PKHD1: variants seen among roughly 807,000 people sequenced by gnomAD.
PKHD1 encodes the protein PKHD1 ciliary IPT domain containing fibrocystin/polyductin, also known as fibrocystin.
PKHD1 carries 291 observed loss-of-function variants against 412.0 expected under a neutral mutation model. That is an observed-to-expected ratio of 0.71 (90% confidence interval 0.64 to 0.78). The LOEUF is 0.78. Among genes scored for constraint, PKHD1 ranks in the 30% least tolerant of loss-of-function variants. PKHD1 has a pLI of 0.00. For synonymous variants in PKHD1, 1,777 were observed against 1,821.5 expected (o/e 0.98, Z 0.62); for missense variants, 4,825 against 4,950.7 (o/e 0.97, Z 0.76).
intron 60 of PKHD1, among the ~76,000 whole-genome samples, chr6:51,736,961 T>C (rs978783780): frequency 6.6e-6 from 1 of 152,216 alleles, no homozygotes; most frequent in Non-Finnish European, 1.5e-5. Context: ...TTCCCCATTA[T>C]TCAGTTAGAA....
At position 52,025,036 on chromosome 6, in the gene PKHD1, T is replaced by C; in HGVS notation, c.4774A>G (p.Thr1592Ala). ...CCTCTCAGGCCTGTGCCCTCTATGG[T>C]CAAGAGGCTTCCACCATGTAAGCTG... Reference protein sequence around the residue: ...NFSLHGGSLLTIEGTGLRGQN... With the variant: ...NFSLHGGSLLAIEGTGLRGQN... The change falls in exon 32 of 67, where the codon ACC (threonine) becomes GCC (alanine). Residue 1592 changes from threonine to alanine, a missense_variant. Thr to Ala is a moderately conservative substitution (Grantham distance 58, BLOSUM62 0). Coordinates refer to ENST00000371117, the MANE Select transcript of PKHD1 (RefSeq NM_138694.4). The C allele has an allele frequency of 4.3e-6, 7 of 1,614,106 alleles. No individual in the cohort carries two copies. Among genetic ancestry groups the C allele is most frequent in the Non-Finnish European group, 5.9e-6 (7 of 1,179,978 alleles).
At chr6:51,625,033 A>G (rs1767063700) in intron 66 of PKHD1, among the ~76,000 whole-genome samples, 2 of 152,162 alleles carry the variant, frequency 1.3e-5, no homozygotes, top group Admixed American at 1.3e-4. Context: ...CAACAGTAAA[A>G]TAGGAGGGAT....
intron 30 of PKHD1, 27 bp downstream of exon 30, chr6:52,028,129 C>T (rs1562176033): frequency 1.8e-5 from 29 of 1,606,818 alleles, no homozygotes; most frequent in East Asian, 6.7e-5. Context: ...CAAACAAATC[C>T]AAAATTAATG....
intron 35 of PKHD1, among the ~76,000 whole-genome samples, chr6:51,994,279 C>A (rs972954067): frequency 6.6e-6 from 1 of 152,076 alleles, no homozygotes; most frequent in Non-Finnish European, 1.5e-5. Context: ...GGACTACAGG[C>A]GCCTGCCACC....
At chr6:51,749,142 T>C (rs1390604574) in intron 57 of PKHD1, among the ~76,000 whole-genome samples, 1 of 152,098 alleles carries the variant, frequency 6.6e-6, no homozygotes, top group Non-Finnish European at 1.5e-5. Flanking sequence ...TGAAGAAGAG[T>C]ATGAGTGCGA....
intron 35 of PKHD1, among the ~76,000 whole-genome samples, chr6:52,002,463 C>T (rs911135085): frequency 3.3e-5 from 5 of 152,188 alleles, no homozygotes; most frequent in African/African-American, 1.2e-4. Flanking sequence ...AGGTAATTCT[C>T]ATACATTTGG....
At position 52,045,012 on chromosome 6, in the gene PKHD1, C is replaced by A; in HGVS notation, c.2669G>T (p.Gly890Val). The change falls in exon 25 of 67, where the codon GGA becomes GTA. Residue 890 changes from glycine to valine, a missense_variant. Coordinates refer to ENST00000371117, the MANE Select transcript of PKHD1 (RefSeq NM_138694.4). ...AGCCAACATGTCTCCAAATATGGGT[C>A]CAAGAAAAACTCCACCATCATATAC... is the stretch of plus-strand genomic sequence containing the variant. Reference protein sequence around the residue: ...RVVYDGGVFLGPIFGDMLATA... With the variant: ...RVVYDGGVFLVPIFGDMLATA... The A allele has an allele frequency of 6.2e-7, 1 of 1,613,604 alleles. No individual in the cohort carries two copies. The highest frequency in any genetic ancestry group is 1.1e-5 in the South Asian group (1 of 91,052).
intron 63 of PKHD1, among the ~76,000 whole-genome samples, chr6:51,644,562 T>C (rs567405387): frequency 3.3e-5 from 5 of 152,314 alleles, no homozygotes; most frequent in Admixed American, 2.0e-4. Flanking sequence ...ATTTTGCAGG[T>C]AGGCTGATGT....
intron 31 of PKHD1, among the ~76,000 whole-genome samples, chr6:52,027,204 C>A (rs1802324456): frequency 6.6e-6 from 1 of 152,136 alleles, no homozygotes; most frequent in South Asian, 2.1e-4. Context: ...GAGTGTCACC[C>A]ATCAGACGTT....
In PKHD1 at chr6:51,855,861, C is replaced by T. The variant is rs774735606; in HGVS notation, c.7911+32G>A. The T allele has an allele frequency of 3.3e-6, 5 of 1,512,508 alleles. No homozygotes were observed. The South Asian group carries it at 5.6e-5, about 17-fold the overall frequency. The allele number at this position is 1,512,508 out of a possible 1,614,324, so 93.7% of individuals were successfully genotyped here. On this transcript the variant is annotated intron_variant, in intron 49 of 66. Transcript: ENST00000371117. ...AGAAAGATAAGAACAAATGAGAATG[C>T]AGCATACCAACTAATGGATTCCTTG...
intron 16 of PKHD1, 30 bp downstream of exon 16, chr6:52,058,293 A>T: frequency 1.9e-6 from 3 of 1,612,226 alleles, no homozygotes; most frequent in Non-Finnish European, 2.5e-6. Flanking sequence ...TCCAGAGTTC[A>T]GCTCCATGGG....
chr6:51,821,694 A>G (rs1011209753), intron 52 of PKHD1, among the ~76,000 whole-genome samples: 3 of 152,160 alleles, frequency 2.0e-5, no homozygotes, highest in African/African-American at 4.8e-5. Context: ...ACAGGGATTC[A>G]GTGATTTCAT....
At chr6:51,695,940 G>A (rs1778751945) in intron 60 of PKHD1, among the ~76,000 whole-genome samples, 5 of 152,154 alleles carry the variant, frequency 3.3e-5, no homozygotes, top group African/African-American at 1.2e-4. Flanking sequence ...TTTGAGGTAA[G>A]AAAAGTTTGC....
intron 39 of PKHD1, among the ~76,000 whole-genome samples, chr6:51,910,683 G>T (rs933679883): frequency 6.6e-6 from 1 of 152,122 alleles, no homozygotes; most frequent in African/African-American, 2.4e-5. Flanking sequence ...GGCAAAATAT[G>T]ATCTCAGAAT....
intron 60 of PKHD1, among the ~76,000 whole-genome samples, chr6:51,738,468 G>T (rs1030258709): frequency 6.6e-6 from 1 of 152,124 alleles, no homozygotes; most frequent in African/African-American, 2.4e-5. Context: ...ATACTGTGTT[G>T]TAGTCACGAT....
intron 1 of PKHD1, 82 bp downstream of exon 1, chr6:52,087,352 T>C (rs1419289808): frequency 6.6e-6 from 1 of 152,232 alleles, no homozygotes; most frequent in Non-Finnish European, 1.5e-5. Flanking sequence ...CTCCCATTTC[T>C]TCCTTTTGTT....
intron 55 of PKHD1, among the ~76,000 whole-genome samples, chr6:51,758,750 G>A (rs1787488280): frequency 6.6e-6 from 1 of 151,954 alleles, no homozygotes; most frequent in African/African-American, 2.4e-5. Context: ...TATCAGTACA[G>A]TTTCTTTATT....
At chr6:51,760,306 C>A (rs995099330) in intron 55 of PKHD1, among the ~76,000 whole-genome samples, 23 of 152,224 alleles carry the variant, frequency 1.5e-4, no homozygotes, top group African/African-American at 5.3e-4. Context: ...TTATGTTCTG[C>A]TGTGCACTAG....
In PKHD1 at chr6:51,627,059, T is replaced by C. The variant is rs558283274; in HGVS notation, c.11723A>G (p.His3908Arg). The change falls in exon 66 of 67, where the codon CAC becomes CGC. Residue 3908 changes from histidine to arginine, a missense_variant. Coordinates refer to ENST00000371117, the MANE Select transcript of PKHD1 (RefSeq NM_138694.4). ...SQTNNQNIHIHISSKRRESQG... is the reference protein window; with the variant it reads ...SQTNNQNIHIRISSKRRESQG... Reference sequence around the variant, plus strand: ...TGATTCTCGGCGTTTGGATGAGATGTGGATATGAATATTTTGATTATTAGT... The same window carrying C: ...TGATTCTCGGCGTTTGGATGAGATGCGGATATGAATATTTTGATTATTAGT... 6.2e-7 allele frequency: 1 copy of C among 1,610,740 alleles called. No homozygotes were observed. Among genetic ancestry groups the C allele is most frequent in the East Asian group, 2.2e-5 (1 of 44,854 alleles).
Sources: gnomAD v4.1 joint callset for allele counts (sites outside exome capture counted in the v4.1 genomes callset) on GRCh38, gnomAD v4.1.1 for gene constraint, MANE v1.5 for transcripts, NCBI Gene and HGNC (gene_info 2026-07-23, HGNC 2026-07-21) for gene names.